UNC13D: variants seen among roughly 807,000 people sequenced by gnomAD.
The protein encoded by UNC13D is protein unc-13 homolog D.
UNC13D carries 115 observed loss-of-function variants against 151.7 expected under a neutral mutation model. That is an observed-to-expected ratio of 0.76 (90% CI 0.65 to 0.88). The LOEUF is 0.88. Ranked by LOEUF, UNC13D falls within the 40% of genes least tolerant of loss-of-function variation. The pLI, the probability that UNC13D is intolerant of heterozygous loss-of-function variation, is 0.00. For synonymous variants in UNC13D, 588 were observed against 612.2 expected (o/e 0.96, Z 0.58); for missense variants, 1,369 against 1,438.7 (o/e 0.95, Z 0.78).
rs1246513092 is a variant in UNC13D, at chr17:75,830,491, G to C, written c.2710-9C>G. On this transcript the variant is annotated splice_polypyrimidine_tract_variant and intron_variant, in intron 28 of 31. Coordinates refer to ENST00000207549, the MANE Select transcript of UNC13D (RefSeq NM_199242.3). ...TCAGAGGTGGTTTCTGCCTGGGGTG[G>C]GGAGCAGGGGCAGGGTCAGCAGGGT... 1 of 1,591,604 alleles carries C rather than the reference G, an allele frequency of 6.3e-7. No individual in the cohort carries two copies. Among genetic ancestry groups the C allele is most frequent in the Non-Finnish European group, 8.6e-7 (1 of 1,169,392 alleles).
chr17:75,830,004 G>A (rs1247660569), intron 30 of UNC13D, 24 bp downstream of exon 30: 1 of 1,569,690 alleles, frequency 6.4e-7, no homozygotes, highest in Non-Finnish European at 8.6e-7. Flanking sequence ...GGGAGGGACT[G>A]GGAGAAGAAC....
At position 75,830,094 on chromosome 17, in the gene UNC13D, A is replaced by G; in HGVS notation, c.2888T>C (p.Leu963Pro). 1.3e-6 allele frequency: 2 copies of G among 1,582,480 alleles called. No individual in the cohort carries two copies. The highest frequency in any genetic ancestry group is 1.3e-5 in the African/African-American group (1 of 74,508). Residue 963 changes from leucine to proline, a missense_variant, in exon 30 of 32, where the codon CTG (leucine) becomes CCG (proline). Transcript: ENST00000207549. Reference protein sequence around the residue: ...TLEPRHEFPELAARETQKHKK... With the variant: ...TLEPRHEFPEPAARETQKHKK... ...GTGCTTCTGGGTCTCCCGGGCGGCC[A>G]GCTCAGGGAACTCATGCCTGGGCTC...
chr17:75,843,787 A>G, intron 1 of UNC13D: 1 of 1,401,774 alleles, frequency 7.1e-7, no homozygotes, highest in South Asian at 1.5e-5. Context: ...CAGAGGAAAC[A>G]GCTCTGCTTA....
rs758763816 is a variant in UNC13D, at chr17:75,839,776, G to A, written c.1055+63C>T. The A allele has an allele frequency of 3.2e-6, 5 of 1,546,008 alleles. No individual in the cohort carries two copies. The Admixed American group carries it at 5.0e-5, about 15-fold the overall frequency. ...AATTACACTTTGGGCTACCGGCTTG[G>A]AGGAGGGCAGGGGGCGTGGGGGGCT... On this transcript the variant is annotated intron_variant, in intron 12 of 31. Coordinates refer to ENST00000207549, the MANE Select transcript of UNC13D (RefSeq NM_199242.3).
Position 75,840,179 on chromosome 17 carries a change from C to T in UNC13D, c.858+46G>A, listed in dbSNP as rs776301674. ...GCAGCCAGCCCCGCAACCCAGCAGA[C>T]CGCCGCAAGAGCTGGGCATGGCCAC... On this transcript the variant is annotated intron_variant, in intron 10 of 31. Coordinates refer to ENST00000207549, the MANE Select transcript of UNC13D (RefSeq NM_199242.3). This position sits in a 1 kb window ranked among gnomAD's most constrained non-coding sequence, Gnocchi z 4.6. 6 of 1,612,172 alleles carry T rather than the reference C, an allele frequency of 3.7e-6. No individual in the cohort carries two copies. In the African/African-American group the frequency reaches 4.0e-5, roughly 11 times the overall value.
chr17:75,835,003 A>T lies in UNC13D; in HGVS notation c.1909T>A (p.Phe637Ile). 3 of 1,614,100 alleles carry T rather than the reference A, an allele frequency of 1.9e-6. No homozygotes were observed. The highest frequency in any genetic ancestry group is 2.5e-6 in the Non-Finnish European group (3 of 1,180,018). Reference protein sequence around the residue: ...STSAVDLSTCFAQISHTARQL... With the variant: ...STSAVDLSTCIAQISHTARQL... ...CGGGCAGTGTGGCTGATCTGGGCAA[A>T]GCAGGTGGATAGATCCACCGCTGAT... The change falls in exon 21 of 32, where the codon TTT becomes ATT. Residue 637 changes from phenylalanine (F) to isoleucine (I), a missense_variant. By Grantham distance (21) the Phe-to-Ile change is conservative (BLOSUM62 0). Transcript: ENST00000207549.
Position 75,834,162 on chromosome 17 carries a change from A to C in UNC13D, c.2299-19T>G. On this transcript the variant is annotated intron_variant, in intron 23 of 31. Transcript: ENST00000207549. ...CCTCCAACTGGAGACACAAAACGGA[A>C]GAAGGAGGGAGGTCAGGGCATGAGT... 1.2e-6 allele frequency: 2 copies of C among 1,613,384 alleles called. No homozygotes were observed. Among genetic ancestry groups the C allele is most frequent in the Non-Finnish European group, 1.7e-6 (2 of 1,179,936 alleles).
At chr17:75,836,522 C>G (rs750219728) in intron 14 of UNC13D, 50 bp downstream of exon 14, 1 of 1,612,778 alleles carries the variant, frequency 6.2e-7, no homozygotes, top group Non-Finnish European at 8.5e-7. Context: ...GGCACCCCAG[C>G]TGCTCCCTCA....
intron 31 of UNC13D, among the ~76,000 whole-genome samples, chr17:75,828,299 A>G (rs545396293): frequency 1.3e-5 from 2 of 152,198 alleles, no homozygotes; most frequent in Non-Finnish European, 2.9e-5. Context: ...CTGCTGGGAC[A>G]CTGTCCTGAC....
intron 30 of UNC13D, 60 bp from the exon 31 acceptor site, chr17:75,829,043 A>G: frequency 1.3e-6 from 2 of 1,570,640 alleles, no homozygotes; most frequent in South Asian, 2.3e-5. Context: ...GCCTCGGCAC[A>G]TGGGTTCACC....
At position 75,834,345 on chromosome 17, in the gene UNC13D, C is replaced by T. The variant is rs143264522; in HGVS notation, c.2278G>A (p.Val760Ile). Residue 760 changes from valine (V) to isoleucine (I), a missense_variant, in exon 23 of 32, where the codon GTC becomes ATC. Transcript: ENST00000207549. ...AGLGHEIRTGVRTLAEQLEVG... is the reference protein window; with the variant it reads ...AGLGHEIRTGIRTLAEQLEVG... Reference sequence around the variant, plus strand: ...GGTACCTGCTCGGCCAGGGTGCGGACGCCAGTGCGGATCTCATGGCCCAGC... The same window carrying T: ...GGTACCTGCTCGGCCAGGGTGCGGATGCCAGTGCGGATCTCATGGCCCAGC... The T allele has an allele frequency of 8.3e-5, 133 of 1,594,822 alleles. 1 individual carries two copies. The African/African-American group carries it at 1.2e-3, about 15-fold the overall frequency.
chr17:75,835,805 G>T, intron 18 of UNC13D, 28 bp from the exon 19 acceptor site: 2 of 1,613,986 alleles, frequency 1.2e-6, no homozygotes, highest in Non-Finnish European at 1.7e-6. Flanking sequence ...GGAGGGCGGG[G>T]CCCACAGCTC....
rs896687553 is a variant in UNC13D at position 75,827,957 on chromosome 17, C to G, written c.*8G>C. 6.2e-7 allele frequency: 1 copy of G among 1,608,952 alleles called. No individual in the cohort carries two copies. Among genetic ancestry groups the G allele is most frequent in the Non-Finnish European group, 8.5e-7 (1 of 1,178,904 alleles). ...CCGGGGACCCAGCCCCACCGCAAACCTCTACGGCTACGGTGCCGGCCGCAA... is the reference window on the plus strand; with the variant it reads ...CCGGGGACCCAGCCCCACCGCAAACGTCTACGGCTACGGTGCCGGCCGCAA... On this transcript the variant is annotated 3_prime_UTR_variant, in exon 32 of 32. Transcript: ENST00000207549.
In UNC13D at chr17:75,836,712, A is replaced by G. The variant is rs759400112; in HGVS notation, c.1174-16T>C. The G allele has an allele frequency of 1.2e-6, 2 of 1,613,488 alleles. No individual in the cohort carries two copies. The highest frequency in any genetic ancestry group is 2.2e-5 in the East Asian group (1 of 44,882). ...GCTCCTCCTGCTGAAGAGCCAGGAG[A>G]TGCTTTAGGGGCCTAGACAGCTGCT... On this transcript the variant is annotated splice_polypyrimidine_tract_variant and intron_variant, in intron 13 of 31. Coordinates refer to ENST00000207549, the MANE Select transcript of UNC13D (RefSeq NM_199242.3).
At chr17:75,843,991 G>C in intron 1 of UNC13D, 1 of 1,417,442 alleles carries the variant, frequency 7.1e-7, no homozygotes, top group Non-Finnish European at 9.2e-7. Flanking sequence ...GGGAGGGAGG[G>C]GTTCTGAGAG....
chr17:75,842,504 G>C lies in UNC13D; in HGVS notation c.498C>G (p.Pro166=). ...RQKAVVRHTI[P]EEETHRTQVI... is the part of the protein sequence containing the mutation. Reference sequence around the variant, plus strand: ...CCTGCGTGCGGTGGGTCTCCTCCTCGGGGATGGTGTGCCTCACCACAGCCT... The same window carrying C: ...CCTGCGTGCGGTGGGTCTCCTCCTCCGGGATGGTGTGCCTCACCACAGCCT... The change falls in exon 6 of 32, where the codon CCC becomes CCG. Residue 166 remains proline (P), a synonymous_variant. Transcript: ENST00000207549. The C allele has an allele frequency of 6.2e-7, 1 of 1,613,308 alleles. No individual in the cohort carries two copies. The highest frequency in any genetic ancestry group is 8.5e-7 in the Non-Finnish European group (1 of 1,179,946).
At position 75,830,283 on chromosome 17, in the gene UNC13D, G is replaced by A. The variant is rs1279144598; in HGVS notation, c.2830+79C>T. The A allele has an allele frequency of 5.8e-6, 9 of 1,565,060 alleles. No individual in the cohort carries two copies. In the Middle Eastern group the frequency reaches 9.1e-4, roughly 158 times the overall value. On this transcript the variant is annotated intron_variant, in intron 29 of 31. Transcript: ENST00000207549. ...AATGCACCCAGAGCTCCTGCAGGGTGAGCGAAGCCCCCAGGGTCGCTGAGA... is the reference window on the plus strand; with the variant it reads ...AATGCACCCAGAGCTCCTGCAGGGTAAGCGAAGCCCCCAGGGTCGCTGAGA...
chr17:75,829,833 C>A, intron 30 of UNC13D, 195 bp downstream of exon 30: 1 of 778,842 alleles, frequency 1.3e-6, no homozygotes, highest in Middle Eastern at 3.9e-4. Context: ...CTGCCTCGGC[C>A]TCCCAAAGTG....
intron 16 of UNC13D, 21 bp from the exon 17 acceptor site, chr17:75,836,130 T>C: frequency 1.2e-6 from 2 of 1,612,692 alleles, no homozygotes; most frequent in Non-Finnish European, 1.7e-6. Context: ...AGAGGTGGGC[T>C]GGGCAGGGCT....
Sources: gnomAD v4.1 joint callset for allele counts (sites outside exome capture counted in the v4.1 genomes callset) on GRCh38, gnomAD v4.1.1 for gene constraint, Gnocchi (gnomAD v3.1) non-coding constraint, MANE v1.5 for transcripts, NCBI Gene and HGNC (gene_info 2026-07-23, HGNC 2026-07-21) for gene names.